The following PRRC1 variants were observed in gnomAD, a reference collection of about 807,000 sequenced individuals.
PRRC1 encodes the protein proline rich coiled-coil 1.
A neutral mutation model predicts 40.7 loss-of-function variants in PRRC1; 39 were observed. That is an observed-to-expected ratio of 0.96 (90% CI 0.74 to 1.25). The LOEUF is 1.25. PRRC1 is among the 50% of genes most tolerant of loss of function. The pLI is 0.00. For synonymous variants in PRRC1, 175 were observed against 193.3 expected (o/e 0.91, Z 0.79); for missense variants, 573 against 548.3 (o/e 1.05, Z -0.45).
chr5:127,535,459 A>T (rs966691070), intron 6 of PRRC1, among the ~76,000 whole-genome samples: 1 of 151,928 alleles, frequency 6.6e-6, no homozygotes, highest in Admixed American at 6.6e-5. Context: ...CTGAAAGAAG[A>T]AGTCAGGGCA....
Position 127,551,693 on chromosome 5 carries a change from T to A in PRRC1, c.1129-14T>A. The A allele has an allele frequency of 1.2e-6, 2 of 1,613,126 alleles. No individual in the cohort carries two copies. The highest frequency in any genetic ancestry group is 1.7e-6 in the Non-Finnish European group (2 of 1,179,130). On this transcript the variant is annotated splice_polypyrimidine_tract_variant and intron_variant, in intron 8 of 8. Coordinates refer to ENST00000296666, the MANE Select transcript of PRRC1 (RefSeq NM_130809.5). ...AAATGTATTATAAGTAATATCAATT[T>A]CATCTTTCCACAGGCTCAAAGTCTA...
At chr5:127,540,959 A>C (rs1344294271) in intron 7 of PRRC1, among the ~76,000 whole-genome samples, 1 of 152,202 alleles carries the variant, frequency 6.6e-6, no homozygotes, top group Non-Finnish European at 1.5e-5. Flanking sequence ...CCAGTTTTCA[A>C]AGGGAATGCT....
At chr5:127,548,914 A>G (rs895848663) in intron 8 of PRRC1, 11 of 152,148 alleles carry the variant, frequency 7.2e-5, no homozygotes, top group African/African-American at 2.7e-4. Flanking sequence ...CATTACACTC[A>G]TTTCAATATG....
chr5:127,541,865 C>G (rs927619321), intron 7 of PRRC1, among the ~76,000 whole-genome samples: 2 of 151,560 alleles, frequency 1.3e-5, no homozygotes, highest in Non-Finnish European at 2.9e-5. Context: ...TTTTTTGTGT[C>G]TCTATTTCCT....
chr5:127,545,715 C>T (rs1294700226), intron 7 of PRRC1, among the ~76,000 whole-genome samples: 1 of 151,388 alleles, frequency 6.6e-6, no homozygotes, highest in African/African-American at 2.4e-5. Context: ...ACCAGTATGG[C>T]ACATGTATAC....
chr5:127,553,115 G>A lies in PRRC1; in HGVS notation c.*1199G>A. 3.3e-6 allele frequency: 3 copies of A among 919,170 alleles called. No homozygotes were observed. In the South Asian group the frequency reaches 1.5e-4, roughly 46 times the overall value. 56.9% of individuals were successfully genotyped at this position (919,170 alleles called of 1,614,324 possible). A position where few individuals can be genotyped will look rare whatever the true frequency, so the allele number is the denominator to read the frequency against. ...TTCGAAGATAGTTTCTTATATAAAT[G>A]TAATTTAATTTTTTTACTCTTCTAT... On this transcript the variant is annotated 3_prime_UTR_variant, in exon 9 of 9. Transcript: ENST00000296666.
chr5:127,539,009 A>G (rs1028182038), intron 6 of PRRC1, 31 bp from the exon 7 acceptor site: 3 of 1,508,494 alleles, frequency 2.0e-6, no homozygotes, highest in East Asian at 2.3e-5. Flanking sequence ...ATAATTTGAA[A>G]TGGTCTCTAA....
At chr5:127,539,955 A>G (rs2127107263) in intron 7 of PRRC1, among the ~76,000 whole-genome samples, 1 of 152,254 alleles carries the variant, frequency 6.6e-6, no homozygotes, top group East Asian at 1.9e-4. Context: ...TGTCAGGTGA[A>G]ATTCATGAAT....
At position 127,551,944 on chromosome 5, in the gene PRRC1, T is replaced by C. The variant is rs778465823; in HGVS notation, c.*28T>C. 3 of 1,612,676 alleles carry C rather than the reference T, an allele frequency of 1.9e-6. No homozygotes were observed. In the Admixed American group the frequency reaches 5.0e-5, roughly 27 times the overall value. On this transcript the variant is annotated 3_prime_UTR_variant, in exon 9 of 9. Coordinates refer to ENST00000296666, the MANE Select transcript of PRRC1 (RefSeq NM_130809.5). ...GGAGACCTACCTGGGAGACTGAGAC[T>C]TTCCCCCACTTTTAGCTTGATGTTA...
chr5:127,525,231 A>G (rs968432953), intron 3 of PRRC1, among the ~76,000 whole-genome samples: 1 of 152,242 alleles, frequency 6.6e-6, no homozygotes, highest in Non-Finnish European at 1.5e-5. Context: ...GTCATTTCAT[A>G]TAGATGGAAT....
intron 7 of PRRC1, among the ~76,000 whole-genome samples, chr5:127,542,674 T>G (rs1464178808): frequency 2.6e-5 from 4 of 151,604 alleles, no homozygotes; most frequent in Non-Finnish European, 5.9e-5. Flanking sequence ...AAAGTCTGTT[T>G]TATCAGAGAC....
At position 127,530,389 on chromosome 5, in the gene PRRC1, C is replaced by T. The variant is rs760362587; in HGVS notation, c.750C>T (p.Pro250=). The change falls in exon 5 of 9, where the codon CCC becomes CCT. Residue 250 remains proline, a synonymous_variant. Coordinates refer to ENST00000296666, the MANE Select transcript of PRRC1 (RefSeq NM_130809.5). ...CAACGCTGGACCCTGGCATGGCTCCCTATATCAGTATGTACATAAGTTAGA... is the reference window on the plus strand; with the variant it reads ...CAACGCTGGACCCTGGCATGGCTCCTTATATCAGTATGTACATAAGTTAGA... ...MITTLDPGMA[P]YIKSGGELDI... The T allele has an allele frequency of 1.2e-6, 2 of 1,612,760 alleles. No individual in the cohort carries two copies. The highest frequency in any genetic ancestry group is 1.3e-5 in the African/African-American group (1 of 74,974).
intron 7 of PRRC1, among the ~76,000 whole-genome samples, chr5:127,547,238 G>C (rs531543344): frequency 6.6e-6 from 1 of 152,022 alleles, no homozygotes; most frequent in South Asian, 2.1e-4. Flanking sequence ...TGATATATAA[G>C]TCTCTTTAAA....
At position 127,551,760 on chromosome 5, in the gene PRRC1, G is replaced by C. The variant is rs774832598; in HGVS notation, c.1182G>C (p.Val394=). The C allele has an allele frequency of 8.1e-6, 13 of 1,614,120 alleles. No homozygotes were observed. The highest frequency in any genetic ancestry group is 1.1e-5 in the Non-Finnish European group (13 of 1,180,000). ...ATCTGAGGTGGTCAGGCCTTTTGGT[G>C]ACAGTGGGTGAAGTCCTGGAAAAGA... ...DYNLRWSGLL[V]TVGEVLEKSL... The change falls in exon 9 of 9, where the codon GTG becomes GTC. Residue 394 remains valine, a synonymous_variant. Transcript: ENST00000296666.
At position 127,552,880 on chromosome 5, in the gene PRRC1, G is replaced by A. The variant is rs977662514; in HGVS notation, c.*964G>A. 3 of 969,198 alleles carry A rather than the reference G, an allele frequency of 3.1e-6. No homozygotes were observed. The highest frequency in any genetic ancestry group is 3.7e-6 in the Non-Finnish European group (3 of 815,142). 60.0% of individuals were successfully genotyped at this position (969,198 alleles called of 1,614,324 possible). A position where few individuals can be genotyped will look rare whatever the true frequency, so the allele number is the denominator to read the frequency against. On this transcript the variant is annotated 3_prime_UTR_variant, in exon 9 of 9. Coordinates refer to ENST00000296666, the MANE Select transcript of PRRC1 (RefSeq NM_130809.5). ...CCTTAAGCATTACTTTTTTAACTTT[G>A]TGCCATTTGGTCTTTACTTTTTATG... is the stretch of plus-strand genomic sequence containing the variant.
At chr5:127,531,639 T>TC (rs1486580960) in intron 5 of PRRC1, among the ~76,000 whole-genome samples, 3 of 117,380 alleles carry the variant, frequency 2.6e-5, no homozygotes, top group Admixed American at 9.7e-5. Context: ...TTTTTTTTTT[T>TC]TGAGACAGAG....
Position 127,524,785 on chromosome 5 carries a change from CTT to C in PRRC1, c.361_362del (p.Leu121ThrfsTer19), listed in dbSNP as rs753794686. 1.2e-6 allele frequency: 2 copies of C among 1,614,206 alleles called. No homozygotes were observed. Among genetic ancestry groups the C allele is most frequent in the East Asian group, 2.2e-5 (1 of 44,890 alleles). ...FPPSTSAPNT[L>X]LPAPPSGPPI... ...ACCTTCAACTTCTGCCCCAAACACT[CTT>C]TTACCTGCACCCCCTTCGGGTCCTC... is the stretch of plus-strand genomic sequence containing the variant. On this transcript the variant is annotated frameshift_variant, in exon 3 of 9. Transcript: ENST00000296666. LOFTEE classifies it high-confidence loss of function.
intron 7 of PRRC1, among the ~76,000 whole-genome samples, chr5:127,541,460 T>A (rs1011365574): frequency 1.3e-5 from 2 of 152,008 alleles, no homozygotes; most frequent in African/African-American, 4.8e-5. Context: ...TACCAGTTCC[T>A]CCTTGTACCT....
chr5:127,537,250 AT>A (rs1451942353), intron 6 of PRRC1, among the ~76,000 whole-genome samples: 6 of 151,978 alleles, frequency 3.9e-5, no homozygotes, highest in Admixed American at 2.6e-4. Context: ...TTAGAGTACA[AT>A]ATTGTTCTTC....
Sources: gnomAD v4.1 joint callset for allele counts (sites outside exome capture counted in the v4.1 genomes callset) on GRCh38, gnomAD v4.1.1 for gene constraint, MANE v1.5 for transcripts, NCBI Gene and HGNC (gene_info 2026-07-23, HGNC 2026-07-21) for gene names.